The following NUP107 variants were observed in gnomAD, a reference collection of about 807,000 sequenced individuals.
NUP107 encodes the protein nuclear pore complex protein Nup107.
A neutral mutation model predicts 141.0 loss-of-function variants in NUP107; 101 were observed. The ratio of observed to expected loss-of-function variants is 0.72; its 90% CI spans 0.61 to 0.84. NUP107 has a LOEUF of 0.84. Ranked by LOEUF, NUP107 falls within the 40% of genes least tolerant of loss-of-function variation. NUP107 has a pLI of 0.00. For synonymous variants in NUP107, 319 were observed against 363.9 expected (o/e 0.88, Z 1.41); for missense variants, 941 against 1,102.7 (o/e 0.85, Z 2.08).
chr12:68,691,981 A>G lies in NUP107; in HGVS notation c.317A>G (p.Asp106Gly), dbSNP rs968993725. Reference protein sequence around the residue: ...FGNLSMVTNLDDSNWAAAFSS... With the variant: ...FGNLSMVTNLGDSNWAAAFSS... ...TTTTTTTTTAAGGTTACTAATCTGG[A>G]TGACAGTAACTGGGCAGCTGCATTT... Residue 106 changes from aspartate to glycine, a missense_variant, in exon 5 of 28, where the codon GAT (aspartate) becomes GGT (glycine). Transcript: ENST00000229179. 5.6e-6 allele frequency: 9 copies of G among 1,599,582 alleles called. No homozygotes were observed. Among genetic ancestry groups the G allele is most frequent in the Non-Finnish European group, 7.7e-6 (9 of 1,176,318 alleles).
At chr12:68,720,794 A>G (rs938295915) in intron 14 of NUP107, among the ~76,000 whole-genome samples, 1 of 152,236 alleles carries the variant, frequency 6.6e-6, no homozygotes, top group East Asian at 1.9e-4. Context: ...ATTGAGAAAC[A>G]TTCTAGGAGT....
chr12:68,687,711 A>G, intron 1 of NUP107: 1 of 880,228 alleles, frequency 1.1e-6, no homozygotes, highest in Non-Finnish European at 1.4e-6. Flanking sequence ...TACTCCAAAC[A>G]TTGAGTACCT....
chr12:68,738,864 C>T (rs146474637), intron 26 of NUP107, among the ~76,000 whole-genome samples: 1 of 152,328 alleles, frequency 6.6e-6, no homozygotes, highest in Admixed American at 6.5e-5. Flanking sequence ...GAATAAAATA[C>T]ATGCGACTGT....
At chr12:68,723,278 G>T (rs1353224892) in intron 17 of NUP107, among the ~76,000 whole-genome samples, 2 of 152,142 alleles carry the variant, frequency 1.3e-5, no homozygotes, top group Non-Finnish European at 2.9e-5. Flanking sequence ...GCTGAAGTGG[G>T]AGGATCGTGG....
chr12:68,728,522 C>T (rs1043929879), intron 20 of NUP107, among the ~76,000 whole-genome samples: 2 of 142,836 alleles, frequency 1.4e-5, no homozygotes, highest in Non-Finnish European at 3.0e-5. Context: ...CTCCCAGGTT[C>T]AAGCGGTTCT....
chr12:68,715,115 A>C (rs1370078607), intron 11 of NUP107, among the ~76,000 whole-genome samples: 2 of 152,220 alleles, frequency 1.3e-5, no homozygotes, highest in African/African-American at 2.4e-5. Context: ...GTATGTTTTA[A>C]GTAGGGAAGC....
At chr12:68,687,138 T>C (rs1878737969) in intron 1 of NUP107, 65 bp downstream of exon 1, 1 of 1,603,998 alleles carries the variant, frequency 6.2e-7, no homozygotes, top group Admixed American at 1.7e-5. Context: ...CGAAACGAAA[T>C]AGGTGAAACT....
In NUP107 at chr12:68,735,351, T is replaced by G; in HGVS notation, c.2502+7T>G. 6.2e-6 allele frequency: 10 copies of G among 1,602,656 alleles called. No homozygotes were observed. The highest frequency in any genetic ancestry group is 8.5e-6 in the Non-Finnish European group (10 of 1,169,688). On this transcript the variant is annotated splice_region_variant and intron_variant, in intron 26 of 27. Coordinates refer to ENST00000229179, the MANE Select transcript of NUP107 (RefSeq NM_020401.4). ...GATGGTGGATGTTAGAGAGGTAAGC[T>G]GTGTGCATTGTTTATAGCCAAAAAC...
intron 20 of NUP107, among the ~76,000 whole-genome samples, chr12:68,730,220 T>TTTTTTTTTTTTC: frequency 7.5e-6 from 1 of 133,034 alleles, no homozygotes; most frequent in South Asian, 2.4e-4. Flanking sequence ...CTACCTTTTT[T>TTTTTTTTTTTTC]TTTTTTTTTT....
In NUP107 at chr12:68,734,959, G is replaced by A. The variant is rs1000027000; in HGVS notation, c.2388+126G>A. The stretch of plus-strand genomic sequence containing the variant: ...CAGGTAATCTCCCTGTTAATGTCCT[G>A]CTTTGGAAGATGCAATCTGTTTAGT... On this transcript the variant is annotated intron_variant, in intron 25 of 27. Coordinates refer to ENST00000229179, the MANE Select transcript of NUP107 (RefSeq NM_020401.4). The A allele has an allele frequency of 3.6e-6, 4 of 1,117,624 alleles. No individual in the cohort carries two copies. In the African/African-American group the frequency reaches 6.3e-5, roughly 18 times the overall value. The allele number at this position is 1,117,624 out of a possible 1,614,324, so 69.2% of individuals were successfully genotyped here.
chr12:68,714,765 T>G (rs181424109), intron 11 of NUP107, among the ~76,000 whole-genome samples: 9 of 152,304 alleles, frequency 5.9e-5, no homozygotes, highest in Admixed American at 5.9e-4. Context: ...TAGGTAGAAA[T>G]AACTGTTTTG....
chr12:68,739,077 G>A (rs543827663), intron 26 of NUP107, among the ~76,000 whole-genome samples: 3 of 151,460 alleles, frequency 2.0e-5, no homozygotes, highest in East Asian at 2.0e-4. Flanking sequence ...ATGCTCCTTC[G>A]CCAAGATAGG....
chr12:68,696,025 A>C (rs944196508), intron 5 of NUP107, among the ~76,000 whole-genome samples: 2 of 151,616 alleles, frequency 1.3e-5, no homozygotes, highest in Non-Finnish European at 2.9e-5. Flanking sequence ...AAAAAAAAAG[A>C]AAAATGATTA....
At chr12:68,740,874 AT>A (rs200607763) in intron 26 of NUP107, among the ~76,000 whole-genome samples, 68 of 147,714 alleles carry the variant, frequency 4.6e-4, no homozygotes, top group African/African-American at 9.9e-4. Flanking sequence ...TAATAAAATT[AT>A]TTTTTTTTTT....
intron 1 of NUP107, chr12:68,687,371 C>A: frequency 1.1e-6 from 1 of 941,150 alleles, no homozygotes; most frequent in Non-Finnish European, 1.4e-6. Flanking sequence ...GGTAGCGCGG[C>A]GTTCGAAATG....
chr12:68,692,534 G>A (rs1466073602), intron 5 of NUP107, among the ~76,000 whole-genome samples: 5 of 150,338 alleles, frequency 3.3e-5, no homozygotes, highest in African/African-American at 7.4e-5. Flanking sequence ...AGCTGAGATC[G>A]CACCATTGCA....
At chr12:68,697,281 A>AAG (rs1169685130) in intron 6 of NUP107, among the ~76,000 whole-genome samples, 1 of 151,974 alleles carries the variant, frequency 6.6e-6, no homozygotes, top group Non-Finnish European at 1.5e-5. Context: ...TACATTTGCC[A>AAG]AGCATGGTGC....
chr12:68,716,418 A>G (rs71452401), intron 12 of NUP107, among the ~76,000 whole-genome samples: 5,171 of 151,304 alleles, frequency 0.034, 130 homozygotes, highest in African/African-American at 0.06. Flanking sequence ...TTTTGTACAG[A>G]CGGAGTCTTA....
intron 20 of NUP107, among the ~76,000 whole-genome samples, chr12:68,727,693 T>C (rs2136039803): frequency 6.6e-6 from 1 of 152,312 alleles, no homozygotes; most frequent in Admixed American, 6.5e-5. Flanking sequence ...GTATATTACA[T>C]GTATCATATG....
Sources: allele counts gnomAD v4.1 joint callset (sites outside exome capture counted in the v4.1 genomes callset), GRCh38; gene constraint gnomAD v4.1.1; transcripts MANE v1.5; gene names NCBI Gene and HGNC (gene_info 2026-07-23, HGNC 2026-07-21).